DLC1: variants seen among roughly 807,000 people sequenced by gnomAD.
DLC1 encodes the protein rho GTPase-activating protein 7.
In DLC1, 54 loss-of-function variants were observed where a neutral mutation model predicts 140.3. The observed-to-expected ratio is 0.38, with a 90% CI of 0.31 to 0.48. The LOEUF is 0.48. Among genes scored for constraint, DLC1 ranks in the 20% least tolerant of loss-of-function variants. The pLI, the probability that DLC1 is intolerant of heterozygous loss-of-function variation, is 0.96. For synonymous variants in DLC1, 986 were observed against 728.1 expected (o/e 1.35, Z -5.70); for missense variants, 2,536 against 1,907.0 (o/e 1.33, Z -6.14).
At chr8:13,310,923 T>C (rs1241901130) in intron 4 of DLC1, among the ~76,000 whole-genome samples, 1 of 152,230 alleles carries the variant, frequency 6.6e-6, no homozygotes, top group Non-Finnish European at 1.5e-5. Flanking sequence ...ATTTTTACTA[T>C]ATCCATGTAT....
intron 4 of DLC1, among the ~76,000 whole-genome samples, chr8:13,389,550 C>G (rs75876302): frequency 2.0e-5 from 3 of 151,980 alleles, no homozygotes; most frequent in South Asian, 4.2e-4. Flanking sequence ...CAGTGGATAA[C>G]CTACATTTTA....
chr8:13,342,495 G>A (rs968124127), intron 4 of DLC1: 2 of 152,200 alleles, frequency 1.3e-5, no homozygotes, highest in Middle Eastern at 3.2e-3. Flanking sequence ...TCTGTGTAAG[G>A]CAGAGTAGGC....
intron 4 of DLC1, among the ~76,000 whole-genome samples, chr8:13,309,263 A>G (rs1241393080): frequency 3.3e-5 from 5 of 152,158 alleles, no homozygotes; most frequent in Non-Finnish European, 2.9e-5. Flanking sequence ...TCTCAATGGA[A>G]CAAAGGAAAG....
intron 4 of DLC1, among the ~76,000 whole-genome samples, chr8:13,378,484 C>T (rs1411003208): frequency 1.3e-5 from 2 of 151,778 alleles, no homozygotes; most frequent in African/African-American, 2.4e-5. Flanking sequence ...GGTGAAGGAA[C>T]ATTCTTGTGC....
chr8:13,375,483 A>G (rs1835933575), intron 4 of DLC1, among the ~76,000 whole-genome samples: 1 of 152,104 alleles, frequency 6.6e-6, no homozygotes, highest in South Asian at 2.1e-4. Flanking sequence ...CTCTTTTCCT[A>G]ATTGAATATC....
chr8:13,437,772 A>G (rs1563346008), intron 2 of DLC1, among the ~76,000 whole-genome samples: 1 of 152,210 alleles, frequency 6.6e-6, no homozygotes, highest in African/African-American at 2.4e-5. Context: ...ATTCCCTGCC[A>G]GCAAACACCA....
At chr8:13,319,639 C>T (rs1445509774) in intron 4 of DLC1, among the ~76,000 whole-genome samples, 1 of 152,070 alleles carries the variant, frequency 6.6e-6, no homozygotes, top group East Asian at 1.9e-4. Flanking sequence ...ACATGATTGT[C>T]AGTTTCTTGA....
intron 5 of DLC1, among the ~76,000 whole-genome samples, chr8:13,201,194 T>C (rs920335759): frequency 3.3e-5 from 5 of 151,822 alleles, no homozygotes; most frequent in African/African-American, 1.2e-4. Context: ...ATCCAAGGTT[T>C]TGGGAATCTT....
At chr8:13,184,077 T>G (rs1226838558) in intron 5 of DLC1, among the ~76,000 whole-genome samples, 1 of 152,256 alleles carries the variant, frequency 6.6e-6, no homozygotes, top group Non-Finnish European at 1.5e-5. Context: ...TATCCATTTC[T>G]TCTAGATTTT....
chr8:13,276,246 C>A, intron 5 of DLC1: 2 of 1,535,100 alleles, frequency 1.3e-6, no homozygotes, highest in Non-Finnish European at 8.7e-7. Context: ...GTCTCCAATC[C>A]CCCTCTGCCT....
In DLC1 at chr8:13,292,556, G is replaced by A. The variant is rs151073698; in HGVS notation, c.1348+12713C>T. 1.5e-3 allele frequency among the ~76,000 whole-genome samples: 227 copies of A among 152,218 alleles called. 1 individual carries two copies. The highest frequency in any genetic ancestry group is 1.6e-3 in the Non-Finnish European group (108 of 68,000). Reference sequence around the variant, plus strand: ...CCTTTGGGTAACCTGGCTGATCTTTGTTTTGTATAGATGGACGCTATTGTG... The same window carrying A: ...CCTTTGGGTAACCTGGCTGATCTTTATTTTGTATAGATGGACGCTATTGTG... On this transcript the variant is annotated intron_variant, in intron 5 of 17. Coordinates refer to ENST00000276297, the MANE Select transcript of DLC1 (RefSeq NM_182643.3).
intron 2 of DLC1, among the ~76,000 whole-genome samples, chr8:13,420,165 C>T (rs1014181925): frequency 5.9e-5 from 9 of 152,122 alleles, no homozygotes; most frequent in Non-Finnish European, 1.3e-4. Context: ...AAAAAACCAG[C>T]TCCTGGATTC....
intron 2 of DLC1, among the ~76,000 whole-genome samples, chr8:13,451,177 T>C (rs982876370): frequency 6.6e-6 from 1 of 151,972 alleles, no homozygotes; most frequent in Admixed American, 6.6e-5. Flanking sequence ...GTCTTTTGCC[T>C]GGCTTAGACC....
intron 5 of DLC1, among the ~76,000 whole-genome samples, chr8:13,210,141 G>C (rs1188308): frequency 0.63 from 95,518 of 151,960 alleles, 30,682 homozygotes; most frequent in East Asian, 0.86. Flanking sequence ...GAAAAAATTG[G>C]AAACTTGTTG....
chr8:13,540,483 C>T (rs565845844), intron 1 of DLC1, among the ~76,000 whole-genome samples: 49 of 152,208 alleles, frequency 3.2e-4, no homozygotes, highest in African/African-American at 1.1e-3. Context: ...CGATATTAAA[C>T]AGAAAACCCC....
chr8:13,532,048 A>C (rs1226916363), intron 1 of DLC1, among the ~76,000 whole-genome samples: 1 of 152,188 alleles, frequency 6.6e-6, no homozygotes, highest in Non-Finnish European at 1.5e-5. Context: ...TTTTTCTCCA[A>C]AATCTTTTGT....
chr8:13,110,273 C>A (rs1004970015), intron 7 of DLC1, among the ~76,000 whole-genome samples: 1 of 152,064 alleles, frequency 6.6e-6, no homozygotes, highest in Non-Finnish European at 1.5e-5. Context: ...ATGTTAAAGA[C>A]CATGCTGAGT....
intron 5 of DLC1, among the ~76,000 whole-genome samples, chr8:13,219,071 T>C (rs1407298621): frequency 8.3e-6 from 1 of 120,836 alleles, no homozygotes; most frequent in Non-Finnish European, 1.6e-5. Context: ...TACGTGAATA[T>C]AATTATATAA....
chr8:13,549,545 C>T (rs1222566218), intron 1 of DLC1, among the ~76,000 whole-genome samples: 1 of 152,070 alleles, frequency 6.6e-6, no homozygotes, highest in Non-Finnish European at 1.5e-5. Context: ...GTGTAACTAA[C>T]ACACATAACA....
Sources: gnomAD v4.1 joint callset for allele counts (sites outside exome capture counted in the v4.1 genomes callset) on GRCh38, gnomAD v4.1.1 for gene constraint, MANE v1.5 for transcripts, NCBI Gene and HGNC (gene_info 2026-07-23, HGNC 2026-07-21) for gene names.